UBE2R2: variants seen among roughly 807,000 people sequenced by gnomAD.
UBE2R2 encodes the protein ubiquitin conjugating enzyme E2 R2.
A neutral mutation model predicts 27.8 loss-of-function variants in UBE2R2; 1 was observed. The observed-to-expected ratio is 0.04, with a 90% CI of 0.01 to 0.17. The LOEUF (loss-of-function observed/expected upper bound fraction) is 0.17. Ranked by LOEUF, UBE2R2 falls within the 10% of genes least tolerant of loss-of-function variation. The probability of loss-of-function intolerance (pLI) is 1.00; values close to 1 mark genes in which losing one functional copy is unlikely to be tolerated. For missense variants in UBE2R2, 100 were observed against 291.0 expected (o/e 0.34, Z 4.78); for synonymous variants, 106 against 113.3 (o/e 0.94, Z 0.41).
At chr9:33,838,063 C>T (rs1340281960) in intron 1 of UBE2R2, among the ~76,000 whole-genome samples, 1 of 152,052 alleles carries the variant, frequency 6.6e-6, no homozygotes, top group Non-Finnish European at 1.5e-5. Context: ...AGGACCCCCA[C>T]TGATACCAAA....
At chr9:33,846,735 A>G (rs568936) in intron 1 of UBE2R2, among the ~76,000 whole-genome samples, 9,274 of 152,232 alleles carry the variant, frequency 0.061, 643 homozygotes, top group African/African-American at 0.17. Context: ...GCCACAGATA[A>G]GTTATAAATG....
intron 1 of UBE2R2, among the ~76,000 whole-genome samples, chr9:33,862,940 C>T (rs181477651): frequency 6.6e-6 from 1 of 152,078 alleles, no homozygotes; most frequent in East Asian, 1.9e-4. Context: ...TGGCTCACAT[C>T]TGCTTTGGGA....
At chr9:33,899,532 G>A (rs939615010) in intron 2 of UBE2R2, among the ~76,000 whole-genome samples, 6 of 152,114 alleles carry the variant, frequency 3.9e-5, no homozygotes, top group Admixed American at 6.6e-5. Flanking sequence ...GTGCTACCAC[G>A]CCCGGCTAAT....
At chr9:33,913,045 CTA>C (rs1822529507) in intron 4 of UBE2R2, among the ~76,000 whole-genome samples, 1 of 151,768 alleles carries the variant, frequency 6.6e-6, no homozygotes, top group Admixed American at 6.6e-5. Context: ...ACTGCAGCCT[CTA>C]TCTCCTGGGT....
intron 1 of UBE2R2, among the ~76,000 whole-genome samples, chr9:33,844,767 G>C (rs558469507): frequency 6.7e-6 from 1 of 149,596 alleles, no homozygotes; most frequent in African/African-American, 2.5e-5. Context: ...AAAATCATTT[G>C]CCTTTTTTTT....
Position 33,919,110 on chromosome 9 carries a change from C to CT in UBE2R2, c.*1874dup, listed in dbSNP as rs1481591455. Reference sequence around the variant, plus strand: ...CAGGGTTGCTACTTGCACCCAGAATCTAGTGATTTTAGTCAGATCCATGGA... The same window carrying CT: ...CAGGGTTGCTACTTGCACCCAGAATCTTAGTGATTTTAGTCAGATCCATGGA... On this transcript the variant is annotated 3_prime_UTR_variant, in exon 5 of 5. Coordinates refer to ENST00000263228, the MANE Select transcript of UBE2R2 (RefSeq NM_017811.4). 2.0e-5 allele frequency: 3 copies of CT among 152,354 alleles called. No individual in the cohort carries two copies. The highest frequency in any genetic ancestry group is 7.3e-5 in the African/African-American group (3 of 41,376). The allele number at this position is 152,354 out of a possible 1,614,324, so 9.4% of individuals were successfully genotyped here. A position where few individuals can be genotyped will look rare whatever the true frequency, so the allele number is the denominator to read the frequency against.
chr9:33,902,527 TAGAAG>T (rs1484524590), intron 3 of UBE2R2, among the ~76,000 whole-genome samples: 2 of 152,218 alleles, frequency 1.3e-5, no homozygotes, highest in African/African-American at 4.8e-5. Flanking sequence ...TGCTATCTAT[TAGAAG>T]AGAAACACAT....
intron 2 of UBE2R2, 62 bp from the exon 3 acceptor site, chr9:33,900,112 G>T (rs952337080): frequency 1.5e-6 from 2 of 1,330,898 alleles, no homozygotes; most frequent in African/African-American, 1.5e-5. Flanking sequence ...CTTTAGAACC[G>T]ATGTCCCTTT....
chr9:33,881,285 G>A (rs1821727867), intron 1 of UBE2R2, among the ~76,000 whole-genome samples: 1 of 152,102 alleles, frequency 6.6e-6, no homozygotes, highest in Non-Finnish European at 1.5e-5. Flanking sequence ...GATTTCACCA[G>A]TTTCTGCACT....
chr9:33,910,079 A>G (rs1822451133), intron 3 of UBE2R2, among the ~76,000 whole-genome samples: 2 of 152,134 alleles, frequency 1.3e-5, no homozygotes, highest in Admixed American at 6.6e-5. Flanking sequence ...CTCCTAATGC[A>G]CATAATTTTT....
chr9:33,891,240 C>T (rs987256469), intron 2 of UBE2R2, among the ~76,000 whole-genome samples: 3 of 151,822 alleles, frequency 2.0e-5, no homozygotes, highest in Non-Finnish European at 4.4e-5. Flanking sequence ...CGCCGTTTTA[C>T]ATCTTGGCCA....
At chr9:33,828,952 C>A (rs181798226) in intron 1 of UBE2R2, among the ~76,000 whole-genome samples, 45 of 152,260 alleles carry the variant, frequency 3.0e-4, no homozygotes, top group African/African-American at 1.0e-3. Context: ...CCAGACTCGT[C>A]TCGAATTCCT....
At chr9:33,913,281 A>G (rs946843391) in intron 4 of UBE2R2, among the ~76,000 whole-genome samples, 1 of 152,046 alleles carries the variant, frequency 6.6e-6, no homozygotes, top group Non-Finnish European at 1.5e-5. Flanking sequence ...TTTTAAAGAA[A>G]CAGACATGGT....
At chr9:33,854,135 T>G (rs1821041291) in intron 1 of UBE2R2, among the ~76,000 whole-genome samples, 1 of 152,192 alleles carries the variant, frequency 6.6e-6, no homozygotes, top group South Asian at 2.1e-4. Context: ...TATATTGGTT[T>G]TTTAACAAAA....
intron 1 of UBE2R2, among the ~76,000 whole-genome samples, chr9:33,877,503 T>C (rs1381576913): frequency 2.0e-5 from 3 of 152,054 alleles, no homozygotes; most frequent in Admixed American, 1.3e-4. Flanking sequence ...TAGTAGATAA[T>C]GGTCAAAAAG....
intron 1 of UBE2R2, among the ~76,000 whole-genome samples, chr9:33,848,663 G>T (rs901257597): frequency 6.6e-6 from 1 of 151,258 alleles, no homozygotes; most frequent in Non-Finnish European, 1.5e-5. Flanking sequence ...GTGCAATGGC[G>T]TGATCTCGGC....
At chr9:33,856,919 C>G in intron 1 of UBE2R2, among the ~76,000 whole-genome samples, 1 of 107,002 alleles carries the variant, frequency 9.3e-6, no homozygotes, top group Non-Finnish European at 1.7e-5. Context: ...TTTTTTGAGA[C>G]AGAGTCTCAT....
intron 1 of UBE2R2, among the ~76,000 whole-genome samples, chr9:33,820,577 A>G (rs1022931506): frequency 2.6e-5 from 4 of 152,192 alleles, no homozygotes; most frequent in African/African-American, 9.6e-5. Flanking sequence ...CAAGGCTTTT[A>G]GTGTATTTCA....
chr9:33,853,265 AC>A (rs1394834022), intron 1 of UBE2R2, among the ~76,000 whole-genome samples: 1 of 145,410 alleles, frequency 6.9e-6, no homozygotes, highest in Non-Finnish European at 1.5e-5. Context: ...AGCAAGACTT[AC>A]CTGGCTTTAC....
Sources: gnomAD v4.1 joint callset for allele counts (sites outside exome capture counted in the v4.1 genomes callset) on GRCh38, gnomAD v4.1.1 for gene constraint, MANE v1.5 for transcripts, NCBI Gene and HGNC (gene_info 2026-07-23, HGNC 2026-07-21) for gene names.